The following CPLX1 variants were observed in gnomAD, a reference collection of about 807,000 sequenced individuals.
CPLX1 encodes complexin-1.
CPLX1 carries 6 observed loss-of-function variants against 15.6 expected under a neutral mutation model. The ratio of observed to expected loss-of-function variants is 0.39; its 90% CI spans 0.21 to 0.76. The LOEUF is 0.76. Among genes scored for constraint, CPLX1 ranks in the 30% least tolerant of loss-of-function variants. CPLX1 has a pLI of 0.43. For missense variants in CPLX1, 242 were observed against 188.6 expected (o/e 1.28, Z -1.66); for synonymous variants, 91 against 75.2 (o/e 1.21, Z -1.08).
intron 2 of CPLX1, among the ~76,000 whole-genome samples, chr4:817,450 C>G (rs1263328999): frequency 6.6e-6 from 1 of 150,914 alleles, no homozygotes; most frequent in Non-Finnish European, 1.5e-5. Context: ...CCCAGCTACT[C>G]AGGAGGCTGA....
intron 3 of CPLX1, among the ~76,000 whole-genome samples, chr4:791,187 G>A (rs573514657): frequency 6.6e-6 from 1 of 151,660 alleles, no homozygotes; most frequent in South Asian, 2.1e-4. Context: ...GCGGGGGGCG[G>A]GGAGCGGGGG....
At chr4:813,941 A>C (rs1746705066) in intron 2 of CPLX1, among the ~76,000 whole-genome samples, 1 of 152,246 alleles carries the variant, frequency 6.6e-6, no homozygotes, top group Non-Finnish European at 1.5e-5. Flanking sequence ...AGTCTCTGAC[A>C]CAAAGAAAGC....
chr4:816,403 G>A (rs1280103455), intron 2 of CPLX1, among the ~76,000 whole-genome samples: 1 of 151,804 alleles, frequency 6.6e-6, no homozygotes, highest in Non-Finnish European at 1.5e-5. Context: ...GTTTTTAGTA[G>A]AGAACAGGGT....
At chr4:825,476 C>G (rs1227609748) in intron 1 of CPLX1, among the ~76,000 whole-genome samples, 1 of 151,868 alleles carries the variant, frequency 6.6e-6, no homozygotes, top group Non-Finnish European at 1.5e-5. Flanking sequence ...TCCCCTGGCT[C>G]CCGCGGCGCG....
At chr4:813,951 C>T (rs1204070706) in intron 2 of CPLX1, among the ~76,000 whole-genome samples, 1 of 152,208 alleles carries the variant, frequency 6.6e-6, no homozygotes, top group Non-Finnish European at 1.5e-5. Flanking sequence ...ACAAAGAAAG[C>T]TGCAAGCTAA....
chr4:796,045 G>T (rs1746331392), intron 2 of CPLX1, among the ~76,000 whole-genome samples: 1 of 152,154 alleles, frequency 6.6e-6, no homozygotes. Flanking sequence ...TTTCTGGGGG[G>T]ATCTGCTTAT....
chr4:796,266 G>C (rs1332342424), intron 2 of CPLX1, among the ~76,000 whole-genome samples: 1 of 152,136 alleles, frequency 6.6e-6, no homozygotes, highest in East Asian at 1.9e-4. Flanking sequence ...CTCCCTAGAC[G>C]CTGACATTGC....
chr4:789,388 T>G (rs1746100009), intron 3 of CPLX1, among the ~76,000 whole-genome samples: 1 of 152,016 alleles, frequency 6.6e-6, no homozygotes, highest in African/African-American at 2.4e-5. Context: ...AACACGGTAT[T>G]CGTGAGAAAA....
intron 2 of CPLX1, among the ~76,000 whole-genome samples, chr4:796,220 G>A (rs1268244815): frequency 6.6e-6 from 1 of 152,170 alleles, no homozygotes; most frequent in Non-Finnish European, 1.5e-5. Flanking sequence ...AATAATTGTA[G>A]ATTTACGGAA....
Position 785,519 on chromosome 4 carries a change from G to A in CPLX1, c.*982C>T, listed in dbSNP as rs973523166. 7 of 152,578 alleles carry A rather than the reference G, an allele frequency of 4.6e-5. No individual in the cohort carries two copies. The East Asian group carries it at 9.6e-4, about 21-fold the overall frequency. The allele number at this position is 152,578 out of a possible 1,614,324, so 9.5% of individuals were successfully genotyped here. A position where few individuals can be genotyped will look rare whatever the true frequency, so the allele number is the denominator to read the frequency against. On this transcript the variant is annotated 3_prime_UTR_variant, in exon 4 of 4. Coordinates refer to ENST00000304062, the MANE Select transcript of CPLX1 (RefSeq NM_006651.4). ...ATTTACCTGAGATTCAACAAATTGT[G>A]ATGCAAATTAAACATGAATGGAGGA...
At chr4:811,964 T>G (rs772851429) in intron 2 of CPLX1, among the ~76,000 whole-genome samples, 2 of 152,250 alleles carry the variant, frequency 1.3e-5, no homozygotes, top group Non-Finnish European at 2.9e-5. Context: ...CCTTCATCCC[T>G]GGCAATATTT....
chr4:824,162 C>A (rs1302207666), intron 2 of CPLX1, among the ~76,000 whole-genome samples: 1 of 152,250 alleles, frequency 6.6e-6, no homozygotes, highest in East Asian at 1.9e-4. Context: ...CCCTGTAAAG[C>A]CTACGCCAGA....
intron 3 of CPLX1, 47 bp downstream of exon 3, chr4:792,386 T>G (rs1253697406): frequency 2.0e-6 from 3 of 1,465,460 alleles, no homozygotes; most frequent in Admixed American, 4.8e-5. Context: ...GGGTCCCCGC[T>G]GGACTCAGGG....
At chr4:824,644 C>CCTTAGGTCT (rs1746939990) in intron 1 of CPLX1, 43 bp from the exon 2 acceptor site, 2 of 1,022,976 alleles carry the variant, frequency 2.0e-6, no homozygotes, top group Non-Finnish European at 3.1e-6. Flanking sequence ...TAAGCAGGCC[C>CCTTAGGTCT]CTGCCTGGCC....
At chr4:807,654 A>G (rs1244307809) in intron 2 of CPLX1, among the ~76,000 whole-genome samples, 1 of 151,534 alleles carries the variant, frequency 6.6e-6, no homozygotes, top group Non-Finnish European at 1.5e-5. Context: ...TTTTTTTATT[A>G]TTATTTTTAG....
intron 2 of CPLX1, among the ~76,000 whole-genome samples, chr4:796,472 G>C (rs1292142383): frequency 2.0e-5 from 3 of 152,312 alleles, no homozygotes; most frequent in East Asian, 3.9e-4. Context: ...TTTCAGTAGA[G>C]ACGGGTTTCA....
chr4:811,532 G>C (rs1404168243), intron 2 of CPLX1, among the ~76,000 whole-genome samples: 6 of 152,198 alleles, frequency 3.9e-5, no homozygotes, highest in Non-Finnish European at 4.4e-5. Context: ...AGATTTTCTA[G>C]ATACCTTTCT....
chr4:786,362 G>C lies in CPLX1; in HGVS notation c.*139C>G. On this transcript the variant is annotated 3_prime_UTR_variant, in exon 4 of 4. Coordinates refer to ENST00000304062, the MANE Select transcript of CPLX1 (RefSeq NM_006651.4). ...CGCCCCTTGCCGGGTGAGGGAGGCG[G>C]CGGGCGCGGGCAGGGCGGGCCTGGG... 2.2e-6 allele frequency: 2 copies of C among 922,452 alleles called. No homozygotes were observed. Among genetic ancestry groups the C allele is most frequent in the Non-Finnish European group, 3.0e-6 (2 of 669,696 alleles). 57.1% of individuals were successfully genotyped at this position (922,452 alleles called of 1,614,324 possible).
chr4:788,749 G>A (rs945455166), intron 3 of CPLX1, among the ~76,000 whole-genome samples: 2 of 134,982 alleles, frequency 1.5e-5, no homozygotes, highest in Non-Finnish European at 3.1e-5. Flanking sequence ...TGGAAGCTAG[G>A]TCCGGCCAGA....
Sources: allele counts gnomAD v4.1 joint callset (sites outside exome capture counted in the v4.1 genomes callset), GRCh38; gene constraint gnomAD v4.1.1; transcripts MANE v1.5; gene names NCBI Gene and HGNC (gene_info 2026-07-23, HGNC 2026-07-21).